Variants in CLSTN2 observed in about 807,000 individuals in gnomAD.
CLSTN2 encodes calsyntenin 2, also known as calsyntenin-2.
Under a neutral mutation model 101.2 loss-of-function variants are expected in CLSTN2, and 48 were observed. That is an observed-to-expected ratio of 0.47 (90% CI 0.38 to 0.60). The LOEUF is 0.60. CLSTN2 is among the 20% of genes least tolerant of loss of function. CLSTN2 has a pLI of 0.00. For missense variants in CLSTN2, 1,160 were observed against 1,238.2 expected (o/e 0.94, Z 0.95); for synonymous variants, 481 against 463.6 (o/e 1.04, Z -0.48).
chr3:140,240,756 A>G (rs2086460630), intron 2 of CLSTN2, among the ~76,000 whole-genome samples: 1 of 152,182 alleles, frequency 6.6e-6, no homozygotes, highest in Non-Finnish European at 1.5e-5. Flanking sequence ...GAACAAGCTA[A>G]CTTTGAGAGA....
intron 5 of CLSTN2, among the ~76,000 whole-genome samples, chr3:140,442,923 AG>A (rs564048054): frequency 1.1e-3 from 173 of 152,328 alleles, no homozygotes; most frequent in Admixed American, 0.01. Flanking sequence ...TGCTGAGCAA[AG>A]GTACCCTCCT....
At chr3:140,422,932 C>G (rs2088521836) in intron 5 of CLSTN2, among the ~76,000 whole-genome samples, 3 of 152,172 alleles carry the variant, frequency 2.0e-5, no homozygotes, top group Admixed American at 2.0e-4. Context: ...AAGAAGAACT[C>G]ACCTTGTTTT....
chr3:140,050,950 G>T (rs1015277411), intron 1 of CLSTN2, among the ~76,000 whole-genome samples: 1 of 152,184 alleles, frequency 6.6e-6, no homozygotes, highest in Non-Finnish European at 1.5e-5. Context: ...AAGGATGGAA[G>T]GTTTCAATAC....
intron 1 of CLSTN2, among the ~76,000 whole-genome samples, chr3:140,153,325 G>A (rs2009897964): frequency 6.6e-6 from 1 of 152,246 alleles, no homozygotes; most frequent in Admixed American, 6.5e-5. Context: ...ACGAAAACAT[G>A]AGCATGCTCT....
intron 8 of CLSTN2, among the ~76,000 whole-genome samples, chr3:140,502,536 G>C (rs1934600314): frequency 6.6e-6 from 1 of 152,182 alleles, no homozygotes; most frequent in African/African-American, 2.4e-5. Context: ...TGAGCTTTTT[G>C]TTTGTTTGTC....
At chr3:140,255,728 C>G (rs1225198098) in intron 2 of CLSTN2, among the ~76,000 whole-genome samples, 1 of 151,994 alleles carries the variant, frequency 6.6e-6, no homozygotes, top group Non-Finnish European at 1.5e-5. Flanking sequence ...TACCCATATA[C>G]CAAACCTGCA....
At chr3:140,503,031 C>T (rs532732947) in intron 8 of CLSTN2, among the ~76,000 whole-genome samples, 2 of 152,306 alleles carry the variant, frequency 1.3e-5, no homozygotes, top group East Asian at 3.9e-4. Context: ...GTTTACAACA[C>T]GCCATGGCTT....
At chr3:139,989,505 A>G (rs931927701) in intron 1 of CLSTN2, among the ~76,000 whole-genome samples, 3 of 151,798 alleles carry the variant, frequency 2.0e-5, no homozygotes, top group Admixed American at 2.0e-4. Flanking sequence ...GCCACTCTCC[A>G]TCCTTCTGGG....
intron 2 of CLSTN2, among the ~76,000 whole-genome samples, chr3:140,302,412 G>T (rs762164284): frequency 1.3e-5 from 2 of 152,134 alleles, no homozygotes; most frequent in African/African-American, 2.4e-5. Flanking sequence ...GTGTTCATTT[G>T]GTTCCCTTGG....
chr3:140,006,561 A>G (rs1306502300), intron 1 of CLSTN2, among the ~76,000 whole-genome samples: 1 of 152,138 alleles, frequency 6.6e-6, no homozygotes, highest in Admixed American at 6.6e-5. Context: ...TGCTTTCCCC[A>G]TGTCACTGCT....
At chr3:140,552,987 G>A (rs7610398) in intron 10 of CLSTN2, among the ~76,000 whole-genome samples, 1,748 of 152,286 alleles carry the variant, frequency 0.011, 30 homozygotes, top group African/African-American at 0.037. Flanking sequence ...ATAACTAATC[G>A]TGACTCACTA....
intron 9 of CLSTN2, among the ~76,000 whole-genome samples, chr3:140,545,705 T>C (rs1425349579): frequency 1.3e-5 from 2 of 152,040 alleles, no homozygotes; most frequent in African/African-American, 4.8e-5. Flanking sequence ...AGGGAGTGGA[T>C]TCCAAGCTGG....
At chr3:140,385,315 T>C (rs1399221429) in intron 2 of CLSTN2, among the ~76,000 whole-genome samples, 1 of 150,932 alleles carries the variant, frequency 6.6e-6, no homozygotes, top group Non-Finnish European at 1.5e-5. Flanking sequence ...CTCAAAAGAT[T>C]AGAAATTTGG....
intron 2 of CLSTN2, among the ~76,000 whole-genome samples, chr3:140,395,681 C>T (rs16850215): frequency 0.025 from 3,834 of 152,334 alleles, 143 homozygotes; most frequent in African/African-American, 0.086. Context: ...TTTATTTCTA[C>T]ATTCAGCCCT....
At chr3:140,143,684 C>T (rs1462800560) in intron 1 of CLSTN2, among the ~76,000 whole-genome samples, 1 of 152,222 alleles carries the variant, frequency 6.6e-6, no homozygotes, top group East Asian at 1.9e-4. Context: ...GTCCCACCTA[C>T]ATGTGCCAGT....
chr3:140,373,354 C>T (rs2087879782), intron 2 of CLSTN2, among the ~76,000 whole-genome samples: 1 of 152,194 alleles, frequency 6.6e-6, no homozygotes, highest in African/African-American at 2.4e-5. Context: ...CCTCTTCCCC[C>T]TACTGCTCCT....
chr3:140,073,320 A>AC (rs146357430), intron 1 of CLSTN2, among the ~76,000 whole-genome samples: 3 of 151,942 alleles, frequency 2.0e-5, no homozygotes, highest in African/African-American at 4.8e-5. Context: ...TACCACTCCC[A>AC]CCCCCCAGGA....
intron 1 of CLSTN2, among the ~76,000 whole-genome samples, chr3:140,062,569 A>G (rs1429731698): frequency 6.6e-6 from 1 of 152,246 alleles, no homozygotes; most frequent in Non-Finnish European, 1.5e-5. Flanking sequence ...TCCCTGGCTG[A>G]GCAGGCAGAG....
At chr3:140,360,294 C>T (rs1000390435) in intron 2 of CLSTN2, among the ~76,000 whole-genome samples, 1 of 152,110 alleles carries the variant, frequency 6.6e-6, no homozygotes, top group Non-Finnish European at 1.5e-5. Flanking sequence ...GGTGCTGACA[C>T]CCTGGCAGGC....
Sources: gnomAD v4.1 joint callset for allele counts (sites outside exome capture counted in the v4.1 genomes callset) on GRCh38, gnomAD v4.1.1 for gene constraint, MANE v1.5 for transcripts, NCBI Gene and HGNC (gene_info 2026-07-23, HGNC 2026-07-21) for gene names.